NEBL: variants seen among roughly 807,000 people sequenced by gnomAD.
NEBL encodes the protein nebulette.
NEBL carries 122 observed loss-of-function variants against 140.2 expected under a neutral mutation model. The ratio of observed to expected loss-of-function variants is 0.87; its 90% CI spans 0.75 to 1.01. The LOEUF (loss-of-function observed/expected upper bound fraction) is 1.01, where lower values mean the gene tolerates loss of function less well. Ranked by LOEUF, NEBL falls within the 50% of genes least tolerant of loss-of-function variation. The pLI is 0.00. For synonymous variants in NEBL, 436 were observed against 398.9 expected (o/e 1.09, Z -1.11); for missense variants, 1,365 against 1,231.3 (o/e 1.11, Z -1.62).
At chr10:21,228,740 A>C (rs1445193805) in intron 3 of NEBL, among the ~76,000 whole-genome samples, 1 of 152,246 alleles carries the variant, frequency 6.6e-6, no homozygotes, top group Non-Finnish European at 1.5e-5. Context: ...AAATATAACC[A>C]TAATGGAGAT....
chr10:21,208,781 C>A (rs1204235664), intron 3 of NEBL, among the ~76,000 whole-genome samples: 2 of 152,058 alleles, frequency 1.3e-5, no homozygotes, highest in Non-Finnish European at 2.9e-5. Context: ...TGGAACTCAG[C>A]CCTACAACCC....
chr10:20,809,657 T>C, intron 25 of NEBL, 149 bp downstream of exon 25: 2 of 663,528 alleles, frequency 3.0e-6, no homozygotes, highest in East Asian at 2.7e-5. Flanking sequence ...TGACTAATTG[T>C]ATTTAAAAGT....
At position 20,819,508 on chromosome 10, in the gene NEBL, A is replaced by G. The variant is rs1401059541; in HGVS notation, c.1971T>C (p.Tyr657=). The change falls in exon 20 of 28, where the codon TAT becomes TAC. Residue 657 remains tyrosine, a synonymous_variant. Coordinates refer to ENST00000377122, the MANE Select transcript of NEBL (RefSeq NM_006393.3). ...GAGTGGCCTTGTAGTTTTGCTCTTT[A>G]TACTGGAGCTGAGAGACAAGGTGCA... ...ENQKNISNLQ[Y]KEQNYKATPV... is the part of the protein sequence containing the mutation. The G allele has an allele frequency of 1.9e-6, 3 of 1,613,886 alleles. No homozygotes were observed. Among genetic ancestry groups the G allele is most frequent in the African/African-American group, 2.7e-5 (2 of 74,900 alleles).
chr10:21,121,165 C>T (rs1440219991), intron 2 of NEBL, among the ~76,000 whole-genome samples: 1 of 152,094 alleles, frequency 6.6e-6, no homozygotes, highest in South Asian at 2.1e-4. Context: ...TCTTTCATTC[C>T]TTATCTCAAA....
intron 2 of NEBL, among the ~76,000 whole-genome samples, chr10:21,249,438 C>A (rs1331051526): frequency 1.3e-5 from 2 of 151,858 alleles, no homozygotes; most frequent in Non-Finnish European, 2.9e-5. Context: ...GTGTTACAAC[C>A]AAAAAATCAT....
chr10:20,819,628 A>T, intron 19 of NEBL, 112 bp from the exon 20 acceptor site: 1 of 1,301,496 alleles, frequency 7.7e-7, no homozygotes, highest in Non-Finnish European at 1.1e-6. Flanking sequence ...CATTAATAAG[A>T]TCATCATCAG....
chr10:21,290,965 T>A (rs1843134323), intron 1 of NEBL, among the ~76,000 whole-genome samples: 1 of 152,334 alleles, frequency 6.6e-6, no homozygotes, highest in East Asian at 1.9e-4. Context: ...TTCAGCAGAC[T>A]GGAACCTTCA....
intron 2 of NEBL, among the ~76,000 whole-genome samples, chr10:21,041,877 G>T (rs1305509383): frequency 1.3e-5 from 2 of 152,186 alleles, no homozygotes; most frequent in African/African-American, 2.4e-5. Context: ...TCCCGATGTT[G>T]TCATACATTT....
chr10:20,855,941 T>C (rs1056654513), intron 9 of NEBL, among the ~76,000 whole-genome samples: 4 of 152,216 alleles, frequency 2.6e-5, no homozygotes, highest in Non-Finnish European at 5.9e-5. Context: ...ACAACTCCAA[T>C]TTTTTACATT....
intron 2 of NEBL, among the ~76,000 whole-genome samples, chr10:21,051,094 A>C (rs1353705906): frequency 6.6e-6 from 1 of 152,178 alleles, no homozygotes; most frequent in Admixed American, 6.5e-5. Context: ...AAAAAGAAGA[A>C]ATAGAATAAA....
chr10:20,914,969 A>ATTTTTTTTTTTTTTTTTT lies in NEBL; in HGVS notation c.357+46702_357+46703insAAAAAAAAAAAAAAAAAA, dbSNP rs71390798. Among the ~76,000 whole-genome samples the ATTTTTTTTTTTTTTTTTT allele has an allele frequency of 1.5e-3, 163 of 111,198 alleles. 10 individuals are homozygous for ATTTTTTTTTTTTTTTTTT. The highest frequency in any genetic ancestry group is 5.1e-3 in the African/African-American group (150 of 29,218). 73.0% of individuals were successfully genotyped at this position (111,198 alleles called of 152,430 possible). A position where few individuals can be genotyped will look rare whatever the true frequency, so the allele number is the denominator to read the frequency against. ...TACCTCTGCCTCCCAAGTGGCTGGG[A>ATTTTTTTTTTTTTTTTTT]TTTTTTTTTTTTTTGGAGAGATGGG... On this transcript the variant is annotated intron_variant, in intron 4 of 6. Transcript: ENST00000417816.
intron 7 of NEBL, among the ~76,000 whole-genome samples, chr10:20,860,475 T>A (rs1428859241): frequency 6.7e-6 from 1 of 149,780 alleles, no homozygotes; most frequent in Non-Finnish European, 1.5e-5. Context: ...TATCAACTTA[T>A]TTGGTAGGAC....
intron 3 of NEBL, among the ~76,000 whole-genome samples, chr10:20,965,974 G>T (rs909785441): frequency 1.3e-5 from 2 of 152,284 alleles, no homozygotes; most frequent in Non-Finnish European, 2.9e-5. Flanking sequence ...AAGAGAATGT[G>T]CCATACCTGG....
chr10:21,074,278 C>T (rs1213984790), intron 2 of NEBL, among the ~76,000 whole-genome samples: 1 of 152,042 alleles, frequency 6.6e-6, no homozygotes, highest in Admixed American at 6.6e-5. Context: ...CATATGTTTA[C>T]TCTACACATC....
At chr10:21,290,094 T>C (rs1843122713) in intron 1 of NEBL, among the ~76,000 whole-genome samples, 2 of 152,220 alleles carry the variant, frequency 1.3e-5, no homozygotes, top group Admixed American at 6.5e-5. Flanking sequence ...AAGAATCTAA[T>C]AAGGAAGCAA....
chr10:21,162,005 G>C (rs1840578257), intron 2 of NEBL, among the ~76,000 whole-genome samples: 1 of 152,198 alleles, frequency 6.6e-6, no homozygotes, highest in Non-Finnish European at 1.5e-5. Context: ...AGCCGGATGA[G>C]ATCAGCTGAC....
chr10:21,089,665 A>G (rs1010206288), intron 2 of NEBL, among the ~76,000 whole-genome samples: 2 of 152,064 alleles, frequency 1.3e-5, no homozygotes, highest in African/African-American at 4.8e-5. Flanking sequence ...GCTGCTCTCA[A>G]TGATTGATAG....
At chr10:20,866,874 C>T (rs1014482117) in intron 7 of NEBL, among the ~76,000 whole-genome samples, 12 of 152,126 alleles carry the variant, frequency 7.9e-5, no homozygotes, top group African/African-American at 2.9e-4. Flanking sequence ...TTATCTATTT[C>T]ACTGACCCCT....
At chr10:20,867,572 G>C (rs544843033) in intron 7 of NEBL, among the ~76,000 whole-genome samples, 5 of 151,960 alleles carry the variant, frequency 3.3e-5, no homozygotes, top group African/African-American at 1.2e-4. Flanking sequence ...CTGGATTTCT[G>C]GTCTTGCTTA....
Sources: gnomAD v4.1 joint callset for allele counts (sites outside exome capture counted in the v4.1 genomes callset) on GRCh38, gnomAD v4.1.1 for gene constraint, MANE v1.5 for transcripts, NCBI Gene and HGNC (gene_info 2026-07-23, HGNC 2026-07-21) for gene names.